HDHD2: variants seen among roughly 807,000 people sequenced by gnomAD.
HDHD2 encodes haloacid dehalogenase like hydrolase domain containing 2, also known as haloacid dehalogenase-like hydrolase domain-containing protein 2.
In HDHD2, 26 loss-of-function variants were observed where a neutral mutation model predicts 24.8. The ratio of observed to expected loss-of-function variants is 1.05; its 90% CI spans 0.77 to 1.45. HDHD2 has a LOEUF of 1.45. HDHD2 is among the 40% of genes most tolerant of loss of function. The pLI, the probability that HDHD2 is intolerant of heterozygous loss-of-function variation, is 0.00. For synonymous variants in HDHD2, 128 were observed against 114.9 expected, an observed-to-expected ratio of 1.11 and a Z score of -0.73; for missense variants, 299 against 313.4, an observed-to-expected ratio of 0.95 and a Z score of 0.35.
intron 5 of HDHD2, among the ~76,000 whole-genome samples, chr18:47,113,387 GCAGTAAATAATA>G (rs947317938): frequency 6.6e-6 from 1 of 152,162 alleles, no homozygotes; most frequent in Non-Finnish European, 1.5e-5. Context: ...TATCCATTTG[GCAGTAAATAATA>G]CAGCTGCAGA....
At chr18:47,138,710 A>T (rs72907226) in intron 1 of HDHD2, among the ~76,000 whole-genome samples, 4,002 of 152,312 alleles carry the variant, frequency 0.026, 60 homozygotes, top group Non-Finnish European at 0.041. Context: ...TAACTCCCAT[A>T]GCCTTTGTTG....
chr18:47,127,960 G>A (rs1301026023), intron 4 of HDHD2, among the ~76,000 whole-genome samples: 2 of 152,076 alleles, frequency 1.3e-5, no homozygotes. Flanking sequence ...TTAACTAATC[G>A]GTGGTTCATT....
Position 47,113,052 on chromosome 18 carries a change from T to A in HDHD2, c.613-12A>T, listed in dbSNP as rs752937997. 2.5e-5 allele frequency: 40 copies of A among 1,613,570 alleles called. No individual in the cohort carries two copies. The South Asian group carries it at 4.2e-4, about 17-fold the overall frequency. On this transcript the variant is annotated splice_polypyrimidine_tract_variant and intron_variant, in intron 5 of 6. Coordinates refer to ENST00000300605, the MANE Select transcript of HDHD2 (RefSeq NM_032124.5). ...TCATCCCTGCAATCCTAGAAAAGCA[T>A]AAAGAAAGCATTTAGTCCAGTGTCT...
intron 3 of HDHD2, 150 bp from the exon 4 acceptor site, chr18:47,130,478 G>A: frequency 1.7e-6 from 1 of 572,244 alleles, no homozygotes; most frequent in Non-Finnish European, 3.1e-6. Flanking sequence ...TACTTTGGAA[G>A]TATAAGAGAG....
intron 5 of HDHD2, among the ~76,000 whole-genome samples, chr18:47,113,530 T>G (rs1320239990): frequency 6.6e-6 from 1 of 152,216 alleles, no homozygotes; most frequent in East Asian, 1.9e-4. Context: ...TTAAACAGAC[T>G]CTGACTGTCT....
At position 47,115,290 on chromosome 18, in the gene HDHD2, T is replaced by C; in HGVS notation, c.454A>G (p.Lys152Glu). 1 of 1,614,062 alleles carries C rather than the reference T, an allele frequency of 6.2e-7. No homozygotes were observed. The highest frequency in any genetic ancestry group is 1.1e-5 in the South Asian group (1 of 91,076). ...AIHKARYYKRKDGLALGPGPF... is the reference protein window; with the variant it reads ...AIHKARYYKREDGLALGPGPF... ...CCAGGCCCCAGGGCTAAGCCATCTT[T>C]CCTCTTGTAATACCTGGCTTTGTGG... The change falls in exon 5 of 7, where the codon AAA becomes GAA. Residue 152 changes from lysine to glutamate, a missense_variant. Transcript: ENST00000300605.
intron 1 of HDHD2, among the ~76,000 whole-genome samples, chr18:47,147,344 CTTGAA>C (rs2063881986): frequency 1.3e-5 from 2 of 152,056 alleles, no homozygotes; most frequent in Admixed American, 6.5e-5. Context: ...TTATTGTGAC[CTTGAA>C]TTGAAGGATT....
At chr18:47,119,095 C>A (rs1248838210) in intron 4 of HDHD2, among the ~76,000 whole-genome samples, 1 of 152,158 alleles carries the variant, frequency 6.6e-6, no homozygotes, top group African/African-American at 2.4e-5. Context: ...ATCATCTGAG[C>A]CTTCAGGGAG....
intron 4 of HDHD2, among the ~76,000 whole-genome samples, chr18:47,119,197 G>A (rs1034329022): frequency 6.6e-6 from 1 of 152,182 alleles, no homozygotes; most frequent in Non-Finnish European, 1.5e-5. Context: ...AGTCACTGTG[G>A]CAATGCCTCA....
At chr18:47,130,639 A>G (rs912289931) in intron 3 of HDHD2, among the ~76,000 whole-genome samples, 1 of 152,230 alleles carries the variant, frequency 6.6e-6, no homozygotes, top group African/African-American at 2.4e-5. Context: ...CCTCAAACAA[A>G]TGACAATTTC....
intron 4 of HDHD2, among the ~76,000 whole-genome samples, 178 bp from the exon 5 acceptor site, chr18:47,115,526 A>G (rs2063551973): frequency 6.8e-6 from 1 of 146,862 alleles, no homozygotes; most frequent in Admixed American, 6.9e-5. Context: ...TGGGAATTAC[A>G]CTCAGATACA....
intron 4 of HDHD2, among the ~76,000 whole-genome samples, chr18:47,124,990 C>T (rs2144320768): frequency 6.6e-6 from 1 of 152,034 alleles, no homozygotes. Flanking sequence ...CAGCAAAACC[C>T]CACTACAAAA....
chr18:47,143,877 T>C (rs1473759167), intron 1 of HDHD2, among the ~76,000 whole-genome samples: 1 of 152,196 alleles, frequency 6.6e-6, no homozygotes, highest in African/African-American at 2.4e-5. Context: ...CAAAAAGATC[T>C]TGAGCAATGT....
chr18:47,109,844 G>A (rs1421631023), intron 6 of HDHD2: 1 of 300,900 alleles, frequency 3.3e-6, no homozygotes, highest in Non-Finnish European at 4.9e-6. Context: ...CATTTAAGAA[G>A]ACTAAGTTAT....
At chr18:47,137,458 G>T (rs933590472) in intron 1 of HDHD2, 7 of 217,642 alleles carry the variant, frequency 3.2e-5, no homozygotes, top group Non-Finnish European at 5.5e-5. Context: ...AGTACACAAA[G>T]TAACTGGTAT....
chr18:47,114,011 C>T (rs1430909668), intron 5 of HDHD2, among the ~76,000 whole-genome samples: 2 of 152,192 alleles, frequency 1.3e-5, no homozygotes, highest in African/African-American at 4.8e-5. Context: ...TGTTGCATCC[C>T]TTCCCACCTC....
At chr18:47,147,373 C>T (rs919027797) in intron 1 of HDHD2, among the ~76,000 whole-genome samples, 3 of 152,168 alleles carry the variant, frequency 2.0e-5, no homozygotes, top group Admixed American at 6.5e-5. Context: ...TAAGCAAGAG[C>T]ATCAACTATT....
In HDHD2 at chr18:47,140,026, A is replaced by G. The variant is rs188514905; in HGVS notation, c.-10-3577T>C. Among the ~76,000 whole-genome samples, 539 of 152,330 alleles carry G rather than the reference A, an allele frequency of 3.5e-3. 1 individual carries two copies. Among genetic ancestry groups the G allele is most frequent in the African/African-American group, 0.013 (521 of 41,572 alleles). On this transcript the variant is annotated intron_variant, in intron 1 of 6. Coordinates refer to ENST00000300605, the MANE Select transcript of HDHD2 (RefSeq NM_032124.5). ...AAATTTCCTGGAAGTAACTGGTACAATTAATTTGTGATAATAATTTTCTTT... is the reference window on the plus strand; with the variant it reads ...AAATTTCCTGGAAGTAACTGGTACAGTTAATTTGTGATAATAATTTTCTTT...
intron 3 of HDHD2, among the ~76,000 whole-genome samples, chr18:47,130,893 G>C (rs1019874744): frequency 3.3e-5 from 5 of 152,176 alleles, no homozygotes; most frequent in African/African-American, 1.2e-4. Context: ...TAAAATTAAA[G>C]TATGTTTTAA....
Sources: allele counts gnomAD v4.1 joint callset (sites outside exome capture counted in the v4.1 genomes callset), GRCh38; gene constraint gnomAD v4.1.1; transcripts MANE v1.5; gene names NCBI Gene and HGNC (gene_info 2026-07-23, HGNC 2026-07-21).